Variants in TET1 observed in about 807,000 individuals in gnomAD.
The protein encoded by TET1 is tet methylcytosine dioxygenase 1.
Under a neutral mutation model 148.7 loss-of-function variants are expected in TET1, and 13 were observed. That is an observed-to-expected ratio of 0.09 (90% CI 0.06 to 0.14). The LOEUF (loss-of-function observed/expected upper bound fraction) is 0.14. TET1 is among the 10% of genes least tolerant of loss of function. The pLI, the probability that TET1 is intolerant of heterozygous loss-of-function variation, is 1.00. For missense variants in TET1, 2,182 were observed against 2,553.8 expected (o/e 0.85, Z 3.14); for synonymous variants, 907 against 937.2 (o/e 0.97, Z 0.59).
chr10:68,584,771 A>G (rs116156856), intron 2 of TET1, among the ~76,000 whole-genome samples: 6,521 of 152,182 alleles, frequency 0.043, 473 homozygotes, highest in African/African-American at 0.15. Context: ...TATGCAGTAT[A>G]CTATAGCAGC....
chr10:68,636,031 T>C (rs1341876504), intron 3 of TET1, among the ~76,000 whole-genome samples: 1 of 152,170 alleles, frequency 6.6e-6, no homozygotes, highest in African/African-American at 2.4e-5. Flanking sequence ...AATGATTGAA[T>C]CTGACTGATA....
chr10:68,581,863 A>C (rs2053802109), intron 2 of TET1, among the ~76,000 whole-genome samples: 1 of 151,980 alleles, frequency 6.6e-6, no homozygotes, highest in South Asian at 2.1e-4. Context: ...AAGCAATCTA[A>C]AGTCGTGGAC....
At chr10:68,680,737 CTTCAAAGTCT>C (rs1406842813) in intron 8 of TET1, among the ~76,000 whole-genome samples, 2 of 152,186 alleles carry the variant, frequency 1.3e-5, no homozygotes, top group African/African-American at 4.8e-5. Flanking sequence ...CCTCATAGTC[CTTCAAAGTCT>C]TCTTCAATTT....
intron 1 of TET1, among the ~76,000 whole-genome samples, chr10:68,566,749 C>A (rs2053611450): frequency 6.6e-6 from 1 of 151,514 alleles, no homozygotes; most frequent in African/African-American, 2.4e-5. Context: ...AGATCTTGTT[C>A]TGGAGAATAT....
At chr10:68,575,605 G>A (rs2053719880) in intron 2 of TET1, among the ~76,000 whole-genome samples, 1 of 152,002 alleles carries the variant, frequency 6.6e-6, no homozygotes, top group East Asian at 1.9e-4. Flanking sequence ...AGGAGGCTGA[G>A]GCAGTAGAAT....
In TET1 at chr10:68,572,638, T is replaced by G. The variant is rs1318888341; in HGVS notation, c.300T>G (p.Asn100Lys). The G allele has an allele frequency of 1.2e-6, 2 of 1,614,100 alleles. No homozygotes were observed. The highest frequency in any genetic ancestry group is 3.3e-5 in the Admixed American group (2 of 59,996). Residue 100 changes from asparagine to lysine, a missense_variant, in exon 2 of 12, where the codon AAT becomes AAG. This residue lies in a region of TET1 where 665 missense variants were observed against 672.4 expected (regional missense o/e 0.99). Coordinates refer to ENST00000373644, the MANE Select transcript of TET1 (RefSeq NM_030625.3). ...LFQNPESLTC[N>K]GFTMALRSTS... ...AGAACCCAGAGTCCTTAACCTGCAA[T>G]GGGTTTACAATGGCGCTACGAAGCA...
chr10:68,645,425 A>G lies in TET1; in HGVS notation c.2696A>G (p.Gln899Arg). ...EQVVAIEALT[Q>R]LSEAPSENSS... The stretch of plus-strand genomic sequence containing the variant: ...GTGGTAGCCATAGAGGCCCTGACTC[A>G]ACTCTCAGAAGCCCCATCAGAGAAT... The change falls in exon 4 of 12, where the codon CAA becomes CGA. Residue 899 changes from glutamine (Q) to arginine (R), a missense_variant. Around this residue, in one of 11 missense-constraint regions of TET1, gnomAD observed 582 missense variants for 599.5 expected, o/e 0.97. Coordinates refer to ENST00000373644, the MANE Select transcript of TET1 (RefSeq NM_030625.3). 6.2e-7 allele frequency: 1 copy of G among 1,614,040 alleles called. No individual in the cohort carries two copies. The highest frequency in any genetic ancestry group is 8.5e-7 in the Non-Finnish European group (1 of 1,180,036).
At chr10:68,597,395 C>A (rs151238700) in intron 2 of TET1, among the ~76,000 whole-genome samples, 9 of 152,006 alleles carry the variant, frequency 5.9e-5, no homozygotes, top group Admixed American at 5.9e-4. Flanking sequence ...AAATATTGAA[C>A]AATTAACCTG....
At chr10:68,652,386 AT>A in intron 5 of TET1, 114 bp from the exon 6 acceptor site, 3 of 614,110 alleles carry the variant, frequency 4.9e-6, no homozygotes, top group Non-Finnish European at 7.9e-6. Flanking sequence ...AGAGTGTCTA[AT>A]TTTTGAACTT....
At chr10:68,596,340 A>AT (rs538235654) in intron 2 of TET1, among the ~76,000 whole-genome samples, 29 of 152,054 alleles carry the variant, frequency 1.9e-4, no homozygotes, top group Admixed American at 7.9e-4. Flanking sequence ...ATATTTTCAT[A>AT]TTTTTTCTGT....
chr10:68,588,871 C>T (rs1248576982), intron 2 of TET1, among the ~76,000 whole-genome samples: 3 of 151,642 alleles, frequency 2.0e-5, no homozygotes, highest in Admixed American at 6.6e-5. Flanking sequence ...GCTGTAATCC[C>T]AGCACTTTGG....
At chr10:68,609,717 CTT>C (rs1431076771) in intron 3 of TET1, among the ~76,000 whole-genome samples, 4 of 152,046 alleles carry the variant, frequency 2.6e-5, no homozygotes, top group Non-Finnish European at 5.9e-5. Flanking sequence ...AAATAATAAA[CTT>C]ATTCTAGGAG....
chr10:68,667,572 G>A (rs2055210811), intron 7 of TET1, among the ~76,000 whole-genome samples: 2 of 151,914 alleles, frequency 1.3e-5, no homozygotes, highest in African/African-American at 4.8e-5. Context: ...TGGCTAATAT[G>A]TCTCCACTAT....
intron 1 of TET1, among the ~76,000 whole-genome samples, chr10:68,561,622 C>T (rs951908999): frequency 2.6e-5 from 4 of 152,142 alleles, no homozygotes; most frequent in South Asian, 4.1e-4. Context: ...TCCTCGCTCT[C>T]GGGCGAGGAG....
intron 3 of TET1, among the ~76,000 whole-genome samples, chr10:68,604,151 TG>T (rs1220854611): frequency 3.9e-5 from 6 of 152,258 alleles, no homozygotes; most frequent in Non-Finnish European, 5.9e-5. Flanking sequence ...TGACGTGGTT[TG>T]GAATTCCTCT....
At position 68,645,787 on chromosome 10, in the gene TET1, A is replaced by T. The variant is rs1188922908; in HGVS notation, c.3058A>T (p.Ser1020Cys). Residue 1020 changes from serine (S) to cysteine (C), a missense_variant, in exon 4 of 12, where the codon AGT (serine) becomes TGT (cysteine). Ser to Cys is a moderately radical substitution (Grantham distance 112). Coordinates refer to ENST00000373644, the MANE Select transcript of TET1 (RefSeq NM_030625.3). ...TTCATCCAAGATTGACACCAATAAA[A>T]GTATTGCTCAAGGGATAATTACTCT... The part of the protein sequence containing the change: ...SNSSKIDTNK[S>C]IAQGIITLDN... 4 of 1,614,170 alleles carry T rather than the reference A, an allele frequency of 2.5e-6. No homozygotes were observed. Among genetic ancestry groups the T allele is most frequent in the South Asian group, 2.2e-5 (2 of 91,082 alleles).
chr10:68,665,639 T>C (rs1317946692), intron 6 of TET1, among the ~76,000 whole-genome samples: 2 of 152,120 alleles, frequency 1.3e-5, no homozygotes, highest in African/African-American at 4.8e-5. Context: ...ACTTTATTAA[T>C]ATAAATTCAT....
Position 68,645,705 on chromosome 10 carries a change from G to A in TET1, c.2976G>A (p.Lys992=), listed in dbSNP as rs148089682. ...CAGCTACTAACCAAGCATCCACAAAGTCACATGAATATTCAAAAGTCACAA... is the reference window on the plus strand; with the variant it reads ...CAGCTACTAACCAAGCATCCACAAAATCACATGAATATTCAAAAGTCACAA... ...INSATNQAST[K]SHEYSKVTNS... The change falls in exon 4 of 12, where the codon AAG becomes AAA. Residue 992 remains lysine, a synonymous_variant. Coordinates refer to ENST00000373644, the MANE Select transcript of TET1 (RefSeq NM_030625.3). 10 of 1,613,998 alleles carry A rather than the reference G, an allele frequency of 6.2e-6. No homozygotes were observed. The African/African-American group carries it at 1.3e-4, about 22-fold the overall frequency.
At chr10:68,590,198 G>C (rs1360495226) in intron 2 of TET1, among the ~76,000 whole-genome samples, 1 of 151,786 alleles carries the variant, frequency 6.6e-6, no homozygotes, top group Non-Finnish European at 1.5e-5. Context: ...TTGCAGCTTC[G>C]ACCTCCCAGA....
Sources: allele counts gnomAD v4.1 joint callset (sites outside exome capture counted in the v4.1 genomes callset), GRCh38; gene constraint gnomAD v4.1.1; regional missense constraint gnomAD v4.1.1; transcripts MANE v1.5; gene names NCBI Gene and HGNC (gene_info 2026-07-23, HGNC 2026-07-21).